Variants in SMYD3 observed in about 807,000 individuals in gnomAD.
The protein encoded by SMYD3 is histone-lysine N-methyltransferase SMYD3.
A neutral mutation model predicts 57.7 loss-of-function variants in SMYD3; 36 were observed. That is an observed-to-expected ratio of 0.62 (90% CI 0.48 to 0.82). The LOEUF (loss-of-function observed/expected upper bound fraction) is 0.82, where lower values mean the gene tolerates loss of function less well. SMYD3 is among the 40% of genes least tolerant of loss of function. The pLI, the probability that SMYD3 is intolerant of heterozygous loss-of-function variation, is 0.00. For missense variants in SMYD3, 515 were observed against 538.8 expected (o/e 0.96, Z 0.44); for synonymous variants, 211 against 195.0 (o/e 1.08, Z -0.68).
chr1:246,298,039 C>G (rs756523873), intron 5 of SMYD3, among the ~76,000 whole-genome samples: 2 of 152,018 alleles, frequency 1.3e-5, no homozygotes, highest in Non-Finnish European at 2.9e-5. Context: ...GGGGATGGGA[C>G]AGTCTAGCTG....
intron 10 of SMYD3, among the ~76,000 whole-genome samples, chr1:245,814,588 AAAC>A (rs2048681683): frequency 6.6e-6 from 1 of 152,198 alleles, no homozygotes; most frequent in South Asian, 2.1e-4. Flanking sequence ...GATTTTATTT[AAAC>A]AACATCTTGA....
rs2059249686 is a variant in SMYD3, at chr1:246,009,897, C to A, written c.532-79960G>T. 4.7e-5 allele frequency among the ~76,000 whole-genome samples: 5 copies of A among 106,562 alleles called. No homozygotes were observed. In the Admixed American group the frequency reaches 5.1e-4, roughly 11 times the overall value. 69.9% of individuals were successfully genotyped at this position (106,562 alleles called of 152,430 possible). A position where few individuals can be genotyped will look rare whatever the true frequency, so the allele number is the denominator to read the frequency against. On this transcript the variant is annotated intron_variant, in intron 5 of 11. Transcript: ENST00000490107. ...TGATCTCGGCTCACTGCAACCTCCG[C>A]TTCGTGTCGTGAGATCAAGCAATTC...
At chr1:245,943,022 T>A (rs1315974585) in intron 5 of SMYD3, among the ~76,000 whole-genome samples, 1 of 151,776 alleles carries the variant, frequency 6.6e-6, no homozygotes, top group Non-Finnish European at 1.5e-5. Flanking sequence ...AAAGCCCACA[T>A]CAAAAAGCTA....
At chr1:246,227,538 G>A (rs1001170532) in intron 5 of SMYD3, among the ~76,000 whole-genome samples, 6 of 152,008 alleles carry the variant, frequency 3.9e-5, no homozygotes, top group Non-Finnish European at 8.8e-5. Flanking sequence ...TCACTTGAAC[G>A]TGGGAGGCGG....
At chr1:246,138,961 C>T (rs1464016873) in intron 5 of SMYD3, among the ~76,000 whole-genome samples, 1 of 152,160 alleles carries the variant, frequency 6.6e-6, no homozygotes, top group Non-Finnish European at 1.5e-5. Flanking sequence ...TCAGTCACAG[C>T]AGCCACCAAA....
Position 246,045,114 on chromosome 1 carries a change from A to T in SMYD3, c.532-115177T>A, listed in dbSNP as rs1350386553. 2.0e-5 allele frequency among the ~76,000 whole-genome samples: 3 copies of T among 152,252 alleles called. No individual in the cohort carries two copies. The East Asian group carries it at 5.8e-4, about 29-fold the overall frequency. On this transcript the variant is annotated intron_variant, in intron 5 of 11. Transcript: ENST00000490107. ...TCAAGCTACCAATGACTTTCTTCAC[A>T]GAATTGGAAAAAACTACTTTGAAGT...
intron 5 of SMYD3, among the ~76,000 whole-genome samples, chr1:246,279,574 G>A (rs1182372012): frequency 6.6e-6 from 1 of 152,120 alleles, no homozygotes; most frequent in Non-Finnish European, 1.5e-5. Flanking sequence ...TTATGTGCAT[G>A]GGGTTCTACT....
In SMYD3 at chr1:246,496,964, C is replaced by T. The variant is rs149310147; in HGVS notation, c.164+10090G>A. On this transcript the variant is annotated intron_variant, in intron 1 of 11. Transcript: ENST00000490107. ...TAAAAAGGAAACATTCTTGATTGTA[C>T]TATATTTAAACAACTAGTAATGGCT... 3.3e-5 allele frequency among the ~76,000 whole-genome samples: 5 copies of T among 152,264 alleles called. No homozygotes were observed. The East Asian group carries it at 9.6e-4, about 29-fold the overall frequency.
chr1:246,188,815 G>C (rs528774171), intron 5 of SMYD3, among the ~76,000 whole-genome samples: 1 of 151,972 alleles, frequency 6.6e-6, no homozygotes, highest in Non-Finnish European at 1.5e-5. Flanking sequence ...ACAAAAAAGA[G>C]CCAGGCATGG....
chr1:246,188,250 T>C lies in SMYD3; in HGVS notation c.531+138951A>G, dbSNP rs149661202. ...TTCATTCATCCAGCACGTCCTGGCC[T>C]AGAGCTAGAAATACAGCAGCGAACA... On this transcript the variant is annotated intron_variant, in intron 5 of 11. Coordinates refer to ENST00000490107, the MANE Select transcript of SMYD3 (RefSeq NM_001167740.2). Among the ~76,000 whole-genome samples the C allele has an allele frequency of 3.9e-5, 6 of 152,184 alleles. No individual in the cohort carries two copies. The East Asian group carries it at 1.2e-3, about 29-fold the overall frequency.
At chr1:245,926,763 C>T (rs758711474) in intron 7 of SMYD3, among the ~76,000 whole-genome samples, 4 of 152,264 alleles carry the variant, frequency 2.6e-5, no homozygotes, top group East Asian at 1.9e-4. Context: ...TCGTCATCAT[C>T]GACAACAGCA....
intron 5 of SMYD3, among the ~76,000 whole-genome samples, chr1:246,226,753 A>G (rs941591723): frequency 6.6e-6 from 1 of 152,236 alleles, no homozygotes; most frequent in Non-Finnish European, 1.5e-5. Context: ...CTCTGCTATA[A>G]GAATCTCATA....
intron 8 of SMYD3, among the ~76,000 whole-genome samples, chr1:245,886,895 A>G (rs4274025): frequency 0.99 from 150,614 of 152,248 alleles, 74,521 homozygotes; most frequent in Middle Eastern, 1. Flanking sequence ...GCCATCCCTC[A>G]CCACCCACTG....
intron 4 of SMYD3, among the ~76,000 whole-genome samples, chr1:246,329,633 T>C (rs939603753): frequency 3.3e-5 from 5 of 152,280 alleles, no homozygotes; most frequent in East Asian, 1.9e-4. Context: ...TTCTCCCATT[T>C]TGTAGGTTGC....
chr1:246,039,807 G>A (rs1472817115), intron 5 of SMYD3, among the ~76,000 whole-genome samples: 1 of 152,144 alleles, frequency 6.6e-6, no homozygotes, highest in African/African-American at 2.4e-5. Flanking sequence ...CAAGGGCGCA[G>A]GTTCAGTACT....
intron 1 of SMYD3, among the ~76,000 whole-genome samples, chr1:246,359,143 C>T (rs959668122): frequency 1.3e-5 from 2 of 152,028 alleles, no homozygotes; most frequent in Non-Finnish European, 2.9e-5. Context: ...ATTACTGATA[C>T]CACAGAAATA....
At chr1:246,490,859 C>T (rs2068258114) in intron 1 of SMYD3, among the ~76,000 whole-genome samples, 1 of 151,932 alleles carries the variant, frequency 6.6e-6, no homozygotes, top group African/African-American at 2.4e-5. Flanking sequence ...AGAGTGAGAC[C>T]CTGTCTCAAA....
At chr1:246,263,900 T>G (rs952687550) in intron 5 of SMYD3, among the ~76,000 whole-genome samples, 4 of 152,202 alleles carry the variant, frequency 2.6e-5, no homozygotes, top group African/African-American at 9.6e-5. Flanking sequence ...TTCTGCTTAT[T>G]AGGTGTAATT....
intron 1 of SMYD3, among the ~76,000 whole-genome samples, chr1:246,459,596 A>G (rs2067764771): frequency 6.6e-6 from 1 of 152,166 alleles, no homozygotes; most frequent in Non-Finnish European, 1.5e-5. Flanking sequence ...GAGACCTCCC[A>G]GCCATGCTTC....
Sources: gnomAD v4.1 joint callset for allele counts (sites outside exome capture counted in the v4.1 genomes callset) on GRCh38, gnomAD v4.1.1 for gene constraint, MANE v1.5 for transcripts, NCBI Gene and HGNC (gene_info 2026-07-23, HGNC 2026-07-21) for gene names.